Variants in DIP2C observed in about 807,000 individuals in gnomAD.
DIP2C encodes disco-interacting protein 2 homolog C.
DIP2C carries 33 observed loss-of-function variants against 192.4 expected under a neutral mutation model. The ratio of observed to expected loss-of-function variants is 0.17; its 90% CI spans 0.13 to 0.23. The LOEUF (loss-of-function observed/expected upper bound fraction) is 0.23, where lower values mean the gene tolerates loss of function less well. Ranked by LOEUF, DIP2C falls within the 10% of genes least tolerant of loss-of-function variation. DIP2C has a pLI of 1.00. For missense variants in DIP2C, 1,537 were observed against 2,110.1 expected, an observed-to-expected ratio of 0.73 and a Z score of 5.32; for synonymous variants, 979 against 864.1, an observed-to-expected ratio of 1.13 and a Z score of -2.33.
chr10:565,354 T>TAAAATAAAAAAAAAAAAA (rs376030794), intron 1 of DIP2C, among the ~76,000 whole-genome samples: 4 of 114,120 alleles, frequency 3.5e-5, no homozygotes, highest in African/African-American at 1.1e-4. Context: ...ACCTGCATTC[T>TAAAATAAAAAAAAAAAAA]AAAAAAAAAA....
intron 1 of DIP2C, among the ~76,000 whole-genome samples, chr10:656,551 G>A (rs907039240): frequency 3.9e-5 from 6 of 152,170 alleles, no homozygotes; most frequent in African/African-American, 9.7e-5. Flanking sequence ...AATCAATGCC[G>A]TTTCCTATGG....
intron 3 of DIP2C, among the ~76,000 whole-genome samples, chr10:465,668 C>T (rs1376280139): frequency 6.6e-6 from 1 of 151,966 alleles, no homozygotes; most frequent in African/African-American, 2.4e-5. Context: ...TCTCCTTAAG[C>T]TGATAAGCAA....
intron 1 of DIP2C, among the ~76,000 whole-genome samples, chr10:571,229 C>T (rs1007152938): frequency 2.0e-5 from 3 of 152,220 alleles, no homozygotes; most frequent in Non-Finnish European, 4.4e-5. Context: ...AACCTGACAG[C>T]AAACAGTGGC....
chr10:481,494 A>C (rs1167229566), intron 2 of DIP2C, among the ~76,000 whole-genome samples: 1 of 152,216 alleles, frequency 6.6e-6, no homozygotes, highest in Non-Finnish European at 1.5e-5. Context: ...CAGTCACAGG[A>C]TCAAACACTG....
chr10:614,824 C>T (rs1225100761), intron 1 of DIP2C, among the ~76,000 whole-genome samples: 1 of 152,262 alleles, frequency 6.6e-6, no homozygotes, highest in African/African-American at 2.4e-5. Context: ...AGCCTCTCTG[C>T]ATTCTCCACA....
At chr10:397,205 AAG>A (rs1032500653) in intron 10 of DIP2C, among the ~76,000 whole-genome samples, 8 of 152,120 alleles carry the variant, frequency 5.3e-5, no homozygotes, top group African/African-American at 1.7e-4. Context: ...TTAGAGCTGG[AAG>A]AGTCACCCAC....
chr10:649,183 C>T (rs1211285240), intron 1 of DIP2C, among the ~76,000 whole-genome samples: 3 of 150,660 alleles, frequency 2.0e-5, no homozygotes, highest in South Asian at 2.1e-4. Flanking sequence ...ACTGAGTCCA[C>T]GTCCACATTT....
chr10:423,935 T>TGAA (rs1966391880), intron 4 of DIP2C, among the ~76,000 whole-genome samples: 1 of 152,242 alleles, frequency 6.6e-6, no homozygotes, highest in Non-Finnish European at 1.5e-5. Context: ...CATTATTGAT[T>TGAA]TTTCTATCTG....
At chr10:396,312 A>G (rs1233582259) in intron 10 of DIP2C, among the ~76,000 whole-genome samples, 1 of 152,152 alleles carries the variant, frequency 6.6e-6, no homozygotes, top group African/African-American at 2.4e-5. Context: ...ATTTCTGCCA[A>G]CCTGAGAGCA....
intron 1 of DIP2C, among the ~76,000 whole-genome samples, chr10:506,921 G>A (rs1481147454): frequency 6.6e-6 from 1 of 152,170 alleles, no homozygotes; most frequent in Non-Finnish European, 1.5e-5. Flanking sequence ...GTCACCCACT[G>A]TGCATGATCA....
intron 28 of DIP2C, among the ~76,000 whole-genome samples, chr10:343,364 G>A (rs1394154267): frequency 6.6e-6 from 1 of 152,190 alleles, no homozygotes; most frequent in Non-Finnish European, 1.5e-5. Context: ...CCAGCACAGA[G>A]CCTTGTAATA....
chr10:434,939 C>T (rs1391427370), intron 4 of DIP2C, among the ~76,000 whole-genome samples: 2 of 152,088 alleles, frequency 1.3e-5, no homozygotes, highest in African/African-American at 4.8e-5. Context: ...ATTATATGCC[C>T]AAGTATAGTT....
At chr10:660,781 T>C (rs1418938602) in intron 1 of DIP2C, among the ~76,000 whole-genome samples, 1 of 152,138 alleles carries the variant, frequency 6.6e-6, no homozygotes, top group Non-Finnish European at 1.5e-5. Context: ...GTTCCACAAA[T>C]ACTAAGAATA....
intron 1 of DIP2C, among the ~76,000 whole-genome samples, chr10:523,093 A>G (rs1846811906): frequency 6.6e-6 from 1 of 151,846 alleles, no homozygotes; most frequent in Non-Finnish European, 1.5e-5. Flanking sequence ...GATGCAAAGG[A>G]CCCTGGAGTG....
At chr10:531,773 C>A (rs557512111) in intron 1 of DIP2C, among the ~76,000 whole-genome samples, 1 of 152,180 alleles carries the variant, frequency 6.6e-6, no homozygotes, top group African/African-American at 2.4e-5. Context: ...CAGAGGAACA[C>A]GGACAAACAG....
At chr10:373,336 T>C (rs1287341387) in intron 17 of DIP2C, among the ~76,000 whole-genome samples, 1 of 152,174 alleles carries the variant, frequency 6.6e-6, no homozygotes, top group African/African-American at 2.4e-5. Context: ...GCCCCACAAA[T>C]AACCACATAC....
intron 1 of DIP2C, among the ~76,000 whole-genome samples, chr10:670,266 ACG>A (rs771667213): frequency 2.8e-5 from 4 of 142,492 alleles, no homozygotes; most frequent in East Asian, 2.1e-4. Flanking sequence ...ATGCACATAC[ACG>A]CATGCATATA....
intron 24 of DIP2C, among the ~76,000 whole-genome samples, chr10:353,366 G>A (rs1958917291): frequency 6.6e-6 from 1 of 152,208 alleles, no homozygotes; most frequent in South Asian, 2.1e-4. Context: ...GGTCAAAAGA[G>A]TTGGCTACAA....
chr10:595,168 C>A (rs61832965), intron 1 of DIP2C, among the ~76,000 whole-genome samples: 37,177 of 152,176 alleles, frequency 0.24, 5,648 homozygotes, highest in Non-Finnish European at 0.34. Context: ...CGGAATCAAA[C>A]TGACCTTTTT....
Sources: allele counts gnomAD v4.1 joint callset (sites outside exome capture counted in the v4.1 genomes callset), GRCh38; gene constraint gnomAD v4.1.1; transcripts MANE v1.5; gene names NCBI Gene and HGNC (gene_info 2026-07-23, HGNC 2026-07-21).